The following MEF2B variants were observed in gnomAD, a reference collection of about 807,000 sequenced individuals.
MEF2B encodes the protein myocyte enhancer factor 2B, also known as myocyte-specific enhancer factor 2B.
A neutral mutation model predicts 32.2 loss-of-function variants in MEF2B; 15 were observed. The ratio of observed to expected loss-of-function variants is 0.47; its 90% CI spans 0.31 to 0.72. The LOEUF is 0.72. MEF2B is among the 30% of genes least tolerant of loss of function. MEF2B has a pLI of 0.05. For missense variants in MEF2B, 441 were observed against 511.5 expected (o/e 0.86, Z 1.33); for synonymous variants, 205 against 225.6 (o/e 0.91, Z 0.82).
At chr19:19,150,154 A>AGGAG (rs1260936344) in intron 2 of MEF2B, among the ~76,000 whole-genome samples, 1 of 112,326 alleles carries the variant, frequency 8.9e-6, no homozygotes, top group Non-Finnish European at 1.8e-5. Flanking sequence ...GAGGGAGGGA[A>AGGAG]GGAGGGAGGG....
At chr19:19,162,814 T>G (rs944149473) in intron 1 of MEF2B, among the ~76,000 whole-genome samples, 1 of 152,138 alleles carries the variant, frequency 6.6e-6, no homozygotes, top group Admixed American at 6.6e-5. Context: ...CAGTCCAGGA[T>G]TCAAATCCTA....
chr19:19,165,303 A>G (rs2060198899), intron 1 of MEF2B, among the ~76,000 whole-genome samples: 1 of 152,042 alleles, frequency 6.6e-6, no homozygotes, highest in Admixed American at 6.5e-5. Flanking sequence ...CAGAGGATCC[A>G]GGAGGGTACC....
intron 1 of MEF2B, among the ~76,000 whole-genome samples, chr19:19,163,455 CA>C (rs1334825144): frequency 6.6e-6 from 1 of 151,914 alleles, no homozygotes; most frequent in Non-Finnish European, 1.5e-5. Flanking sequence ...CGGCCAAATT[CA>C]ACTCTTTCTG....
rs765904264 is a variant in MEF2B at position 19,145,705 on chromosome 19, T to A, written c.*92A>T. The A allele has an allele frequency of 5.9e-5, 91 of 1,554,522 alleles. No homozygotes were observed. In the Middle Eastern group the frequency reaches 6.7e-4, roughly 11 times the overall value. Reference sequence around the variant, plus strand: ...CGCGGAGGGGGGCGTCACTGTTGGGTCTTCTCTGAAGAGGCCTGGAGGGAG... The same window carrying A: ...CGCGGAGGGGGGCGTCACTGTTGGGACTTCTCTGAAGAGGCCTGGAGGGAG... On this transcript the variant is annotated 3_prime_UTR_variant, in exon 9 of 9. Transcript: ENST00000424583. The surrounding 1 kb of genome is among the most constrained non-coding windows in gnomAD (Gnocchi z 4.6).
intron 1 of MEF2B, among the ~76,000 whole-genome samples, chr19:19,155,739 C>T (rs1254810206): frequency 5.3e-5 from 8 of 152,302 alleles, no homozygotes; most frequent in South Asian, 2.1e-4. Flanking sequence ...TGCCCAGAGC[C>T]GCAGACAGAC....
At chr19:19,146,944 G>C (rs1274363808) in intron 5 of MEF2B, 69 bp from the exon 6 acceptor site, 10 of 1,577,058 alleles carry the variant, frequency 6.3e-6, no homozygotes, top group Non-Finnish European at 8.6e-6. Flanking sequence ...CTGAGGTTTA[G>C]AGGTGATGCA....
chr19:19,168,772 AT>A (rs896672935), intron 1 of MEF2B, among the ~76,000 whole-genome samples: 2 of 150,648 alleles, frequency 1.3e-5, no homozygotes, highest in African/African-American at 2.4e-5. Context: ...TAAAAAAACA[AT>A]TTTTTTTGGC....
chr19:19,158,236 T>A (rs1269807122), intron 1 of MEF2B, among the ~76,000 whole-genome samples: 1 of 151,566 alleles, frequency 6.6e-6, no homozygotes, highest in Non-Finnish European at 1.5e-5. Flanking sequence ...TACAGGTGCC[T>A]GCCACTGTGC....
intron 2 of MEF2B, 46 bp from the exon 3 acceptor site, chr19:19,149,475 G>GAA (rs2060055105): frequency 6.2e-7 from 1 of 1,610,946 alleles, no homozygotes; most frequent in Admixed American, 1.7e-5. Context: ...AAGAAGAGAT[G>GAA]AATGTGGGGT....
intron 1 of MEF2B, among the ~76,000 whole-genome samples, chr19:19,151,044 G>T (rs1259734404): frequency 6.6e-6 from 1 of 152,130 alleles, no homozygotes; most frequent in Non-Finnish European, 1.5e-5. Context: ...CTTGAGCCTG[G>T]GAGTTTGAGG....
chr19:19,148,137 C>T (rs181115873), intron 3 of MEF2B, among the ~76,000 whole-genome samples: 173 of 152,386 alleles, frequency 1.1e-3, no homozygotes, highest in Non-Finnish European at 2.0e-3. Flanking sequence ...CTCCATTCTG[C>T]CCCCACTTGC....
intron 1 of MEF2B, among the ~76,000 whole-genome samples, chr19:19,168,752 C>A (rs1304907107): frequency 6.6e-6 from 1 of 152,042 alleles, no homozygotes; most frequent in Non-Finnish European, 1.5e-5. Flanking sequence ...AGCCACCACA[C>A]CTGCCTAATT....
At chr19:19,167,714 G>A (rs759825740) in intron 1 of MEF2B, among the ~76,000 whole-genome samples, 12 of 152,158 alleles carry the variant, frequency 7.9e-5, no homozygotes, top group Non-Finnish European at 1.8e-4. Context: ...GTTGGGATGG[G>A]AAAGCCAAGA....
chr19:19,150,785 G>C, intron 1 of MEF2B, 21 bp from the exon 2 acceptor site: 4 of 1,613,820 alleles, frequency 2.5e-6, no homozygotes, highest in Non-Finnish European at 3.4e-6. Flanking sequence ...AAGAGGGAGA[G>C]GACAGAGTGA....
rs1411122558 is a variant in MEF2B at position 19,147,792 on chromosome 19, A to G, written c.299T>C (p.Leu100Pro). 1 of 1,613,800 alleles carries G rather than the reference A, an allele frequency of 6.2e-7. No homozygotes were observed. Among genetic ancestry groups the G allele is most frequent in the South Asian group, 1.1e-5 (1 of 91,084 alleles). Reference protein sequence around the residue: ...RRGIGLDGPELEPDEGPEEPG... With the variant: ...RRGIGLDGPEPEPDEGPEEPG... Reference sequence around the variant, plus strand: ...CTCCTCAGGCCCTTCATCCGGCTCCAGCTCTGGCCCATCGAGGCCAATGCC... The same window carrying G: ...CTCCTCAGGCCCTTCATCCGGCTCCGGCTCTGGCCCATCGAGGCCAATGCC... The change falls in exon 4 of 9, where the codon CTG becomes CCG. Residue 100 changes from leucine to proline, a missense_variant. Transcript: ENST00000424583.
chr19:19,170,074 G>GAC, intron 1 of MEF2B, 131 bp downstream of exon 1: 1 of 396,984 alleles, frequency 2.5e-6, no homozygotes. Flanking sequence ...ACCACCCCAC[G>GAC]ACACACACCC....
At chr19:19,148,727 T>A (rs1002578255) in intron 3 of MEF2B, among the ~76,000 whole-genome samples, 22 of 138,888 alleles carry the variant, frequency 1.6e-4, no homozygotes, top group South Asian at 1.4e-3. Context: ...TTATTTATTT[T>A]TTGAGACAGA....
rs2146352108 is a variant in MEF2B at position 19,147,126 on chromosome 19, C to G, written c.451G>C (p.Gly151Arg). The change falls in exon 5 of 9, where the codon GGC becomes CGC. Residue 151 changes from glycine (G) to arginine (R), a missense_variant. Transcript: ENST00000424583. ...DVVYGALPPP[G>R]CDPSGLGEAL... ...TCCCCAAGCCCACTGGGGTCACAGCCTGGTGGCGGTAAGGCCCCGTATACC... is the reference window on the plus strand; with the variant it reads ...TCCCCAAGCCCACTGGGGTCACAGCGTGGTGGCGGTAAGGCCCCGTATACC... 1 of 1,604,516 alleles carries G rather than the reference C, an allele frequency of 6.2e-7. No individual in the cohort carries two copies. The highest frequency in any genetic ancestry group is 8.5e-7 in the Non-Finnish European group (1 of 1,176,458).
rs921954205 is a variant in MEF2B at position 19,146,634 on chromosome 19, A to G, written c.690T>C (p.Ser230=). 1.5e-5 allele frequency: 24 copies of G among 1,612,866 alleles called. No homozygotes were observed. Among genetic ancestry groups the G allele is most frequent in the Non-Finnish European group, 2.0e-5 (24 of 1,179,456 alleles). ...CAGTGGAGCAGGGGTTCTGCAGGCCACTGTAGAGGCTTCTCTGTGCGGAGA... is the reference window on the plus strand; with the variant it reads ...CAGTGGAGCAGGGGTTCTGCAGGCCGCTGTAGAGGCTTCTCTGTGCGGAGA... ...GGLNTSRSLY[S]GLQNPCSTAT... is the part of the protein sequence containing the mutation. The change falls in exon 7 of 9, where the codon AGT becomes AGC. Residue 230 remains serine (S), a synonymous_variant. Transcript: ENST00000424583.
Sources: allele counts gnomAD v4.1 joint callset (sites outside exome capture counted in the v4.1 genomes callset), GRCh38; gene constraint gnomAD v4.1.1; non-coding constraint Gnocchi (gnomAD v3.1); transcripts MANE v1.5; gene names NCBI Gene and HGNC (gene_info 2026-07-23, HGNC 2026-07-21).